Variants in MFSD8 observed in about 807,000 individuals in gnomAD.
MFSD8 encodes major facilitator superfamily domain-containing protein 8.
In MFSD8, 55 loss-of-function variants were observed where a neutral mutation model predicts 66.4. The ratio of observed to expected loss-of-function variants is 0.83; its 90% confidence interval spans 0.67 to 1.04. The LOEUF is 1.04. Ranked by LOEUF, MFSD8 falls within the 50% of genes least tolerant of loss-of-function variation. The pLI is 0.00. For missense variants in MFSD8, 550 were observed against 627.6 expected (o/e 0.88, Z 1.32); for synonymous variants, 202 against 212.8 (o/e 0.95, Z 0.44).
chr4:127,953,379 T>C (rs1477322332), intron 2 of MFSD8, among the ~76,000 whole-genome samples: 1 of 151,204 alleles, frequency 6.6e-6, no homozygotes, highest in African/African-American at 2.4e-5. Context: ...TCCCAACTAC[T>C]TGGAAGGCTG....
intron 9 of MFSD8, among the ~76,000 whole-genome samples, chr4:127,923,219 AATGCTTCC>A (rs1736605057): frequency 1.3e-5 from 2 of 152,282 alleles, no homozygotes; most frequent in East Asian, 1.9e-4. Flanking sequence ...TTTCAAAGGG[AATGCTTCC>A]AGTTTTTGCC....
chr4:127,952,742 CA>C (rs1742203105), intron 2 of MFSD8, among the ~76,000 whole-genome samples: 1 of 151,214 alleles, frequency 6.6e-6, no homozygotes, highest in Non-Finnish European at 1.5e-5. Flanking sequence ...TGGTGGCAGG[CA>C]CCTGTAGTCT....
intron 2 of MFSD8, among the ~76,000 whole-genome samples, chr4:127,956,686 C>T (rs567538822): frequency 8.6e-5 from 13 of 151,822 alleles, no homozygotes; most frequent in African/African-American, 2.9e-4. Flanking sequence ...GGGGTGGTGG[C>T]ACATGCCTGT....
chr4:127,965,211 G>A, upstream of MFSD8: 1 of 1,570,978 alleles, frequency 6.4e-7, no homozygotes, highest in Non-Finnish European at 8.7e-7. Flanking sequence ...GCGTGAAGCT[G>A]GCAAAACAAG....
intron 2 of MFSD8, among the ~76,000 whole-genome samples, chr4:127,951,822 G>C (rs953411927): frequency 6.7e-6 from 1 of 149,652 alleles, no homozygotes; most frequent in Non-Finnish European, 1.5e-5. Flanking sequence ...TCCGCCTCCC[G>C]GGTTCAAGCA....
intron 7 of MFSD8, chr4:127,934,676 T>A (rs1738751568): frequency 6.8e-6 from 1 of 146,070 alleles, no homozygotes; most frequent in Non-Finnish European, 1.5e-5. Flanking sequence ...AACTCCCGGG[T>A]TCAAGCGATT....
At chr4:127,953,338 A>G (rs1255160654) in intron 2 of MFSD8, among the ~76,000 whole-genome samples, 4 of 151,606 alleles carry the variant, frequency 2.6e-5, no homozygotes, top group African/African-American at 9.7e-5. Context: ...AAAATACAAC[A>G]TTAGCTGGGC....
At position 127,939,905 on chromosome 4, in the gene MFSD8, G is replaced by T. The variant is rs1221622607; in HGVS notation, c.646C>A (p.Leu216Ile). The T allele has an allele frequency of 3.3e-5, 53 of 1,613,436 alleles. No individual in the cohort carries two copies. Among genetic ancestry groups the T allele is most frequent in the Non-Finnish European group, 4.4e-5 (52 of 1,179,700 alleles). Residue 216 changes from leucine (L) to isoleucine (I), a missense_variant, in exon 6 of 12, where the codon CTT becomes ATT. Leu to Ile is a conservative substitution (Grantham distance 5). Coordinates refer to ENST00000641686, the MANE Select transcript of MFSD8 (RefSeq NM_001371596.2). ...QINMYTTPVLLSAFLGILNII... is the reference protein window; with the variant it reads ...QINMYTTPVLISAFLGILNII... ...TTTAAAATTCCCAGGAAGGCGCTAA[G>T]TAAAACTGGTGTTGTATACATGTTT...
At chr4:127,938,592 A>AAAAAAAAAT (rs1553949104) in intron 7 of MFSD8, among the ~76,000 whole-genome samples, 191 bp downstream of exon 7, 2 of 131,018 alleles carry the variant, frequency 1.5e-5, no homozygotes, top group African/African-American at 6.4e-5. Flanking sequence ...CAAAAAAAAA[A>AAAAAAAAAT]AAATAAATAA....
chr4:127,956,728 G>A (rs1432345441), intron 2 of MFSD8, among the ~76,000 whole-genome samples: 1 of 148,594 alleles, frequency 6.7e-6, no homozygotes, highest in Non-Finnish European at 1.5e-5. Context: ...TGGGGCAGGC[G>A]AATCGCTTGA....
intron 1 of MFSD8, among the ~76,000 whole-genome samples, chr4:127,963,854 G>A (rs1295898796): frequency 3.9e-5 from 6 of 152,176 alleles, no homozygotes; most frequent in Non-Finnish European, 1.5e-5. Context: ...CTGATTGGTA[G>A]AGCCGAGTAG....
At chr4:127,953,610 GTGGTGTGATCT>G (rs1386276416) in intron 2 of MFSD8, among the ~76,000 whole-genome samples, 1 of 128,790 alleles carries the variant, frequency 7.8e-6, no homozygotes, top group South Asian at 2.4e-4. Flanking sequence ...CTGGAGTGCA[GTGGTGTGATCT>G]TGGCTCAGTG....
rs1326757341 is a variant in MFSD8 at position 127,965,072 on chromosome 4, C to T, written c.62G>A (p.Arg21Lys). The T allele has an allele frequency of 6.2e-7, 1 of 1,613,670 alleles. No individual in the cohort carries two copies. Among genetic ancestry groups the T allele is most frequent in the Admixed American group, 1.7e-5 (1 of 59,978 alleles). ...EPLLGDTPGS[R>K]EWDILETEEH... ...GGTCCCTCCACCAGGATCCGCTCAC[C>T]TGCTTCCAGGTGTGTCGCCTAAGAG... is the stretch of plus-strand genomic sequence containing the variant. Residue 21 changes from arginine to lysine, a missense_variant and splice_region_variant, in exon 1 of 12, where the codon AGA becomes AAA. Transcript: ENST00000641686.
At chr4:127,965,880 A>G, upstream of MFSD8, 1 of 152,744 alleles carries the variant, frequency 6.5e-6, no homozygotes, top group Non-Finnish European at 1.5e-5. Flanking sequence ...GCTCGGCTAA[A>G]TGCAAAGGCG....
At chr4:127,921,804 T>C in intron 10 of MFSD8, 33 bp from the exon 11 acceptor site, 1 of 1,613,924 alleles carries the variant, frequency 6.2e-7, no homozygotes, top group Non-Finnish European at 8.5e-7. Flanking sequence ...GTGCATTACT[T>C]GTTGATTTTA....
At chr4:127,950,546 C>T (rs1047433478) in intron 2 of MFSD8, among the ~76,000 whole-genome samples, 20 of 151,472 alleles carry the variant, frequency 1.3e-4, no homozygotes, top group African/African-American at 3.6e-4. Flanking sequence ...AAAAATTAGC[C>T]GGGCATGGTG....
At chr4:127,963,527 G>A (rs1744189801) in intron 1 of MFSD8, among the ~76,000 whole-genome samples, 1 of 152,130 alleles carries the variant, frequency 6.6e-6, no homozygotes, top group South Asian at 2.1e-4. Context: ...TCTTCCTTCT[G>A]GTGGGTTCGT....
intron 9 of MFSD8, among the ~76,000 whole-genome samples, chr4:127,928,673 A>G (rs1020700053): frequency 1.2e-4 from 18 of 152,306 alleles, no homozygotes; most frequent in Non-Finnish European, 1.5e-4. Context: ...CACTATGGAA[A>G]ACAGTACAGA....
chr4:127,941,433 A>G (rs1740172137), intron 5 of MFSD8, among the ~76,000 whole-genome samples: 1 of 152,164 alleles, frequency 6.6e-6, no homozygotes. Flanking sequence ...TACTCAGCAG[A>G]AAATTAATTT....
Sources: allele counts gnomAD v4.1 joint callset (sites outside exome capture counted in the v4.1 genomes callset), GRCh38; gene constraint gnomAD v4.1.1; transcripts MANE v1.5; gene names NCBI Gene and HGNC (gene_info 2026-07-23, HGNC 2026-07-21).